RWDD4: variants seen among roughly 807,000 people sequenced by gnomAD.
The protein encoded by RWDD4 is RWD domain-containing protein 4.
Under a neutral mutation model 30.0 loss-of-function variants are expected in RWDD4, and 16 were observed. The ratio of observed to expected loss-of-function variants is 0.53; its 90% confidence interval spans 0.36 to 0.81. RWDD4 has a LOEUF of 0.81. Ranked by LOEUF, RWDD4 falls within the 30% of genes least tolerant of loss-of-function variation. The pLI is 0.00. For missense variants in RWDD4, 170 were observed against 223.9 expected, an observed-to-expected ratio of 0.76 and a Z score of 1.54; for synonymous variants, 45 against 72.1, an observed-to-expected ratio of 0.62 and a Z score of 1.90.
At chr4:183,643,037 T>C (rs567949653) in intron 7 of RWDD4, among the ~76,000 whole-genome samples, 2 of 145,784 alleles carry the variant, frequency 1.4e-5, no homozygotes, top group Non-Finnish European at 3.0e-5. Context: ...CCAGCCTGGG[T>C]GACAGAGCGA....
Position 183,650,996 on chromosome 4 carries a change from G to A in RWDD4, c.351C>T (p.Pro117=). ...NKEQFMENHN[P]INSATSISNI... Reference sequence around the variant, plus strand: ...ATCACATACTCACTGCGGAATTGATGGGATTGTGATTCTCCATGAACTGCT... The same window carrying A: ...ATCACATACTCACTGCGGAATTGATAGGATTGTGATTCTCCATGAACTGCT... The change falls in exon 4 of 8, where the codon CCC becomes CCT. Residue 117 remains proline, a synonymous_variant. Transcript: ENST00000326397. 2 of 1,610,050 alleles carry A rather than the reference G, an allele frequency of 1.2e-6. No individual in the cohort carries two copies. The highest frequency in any genetic ancestry group is 1.7e-6 in the Non-Finnish European group (2 of 1,178,868).
intron 1 of RWDD4, 157 bp from the exon 2 acceptor site, chr4:183,656,118 G>A (rs764456228): frequency 2.9e-5 from 16 of 560,426 alleles, no homozygotes; most frequent in African/African-American, 7.5e-5. Flanking sequence ...AGCAACACAT[G>A]ACAATATTAC....
rs562049819 is a variant in RWDD4, at chr4:183,655,381, A to G, written c.105+500T>C. ...ACTGCAAGCTCTGCCTCCCGGGTTC[A>G]CGCCATTCTCCTGCCTCAGCCTCCC... is the stretch of plus-strand genomic sequence containing the variant. On this transcript the variant is annotated intron_variant, in intron 2 of 7. Coordinates refer to ENST00000326397, the MANE Select transcript of RWDD4 (RefSeq NM_152682.4). 4.3e-3 allele frequency among the ~76,000 whole-genome samples: 658 copies of G among 151,498 alleles called. 8 individuals carry two copies. Among genetic ancestry groups the G allele is most frequent in the African/African-American group, 0.015 (621 of 41,182 alleles).
At position 183,651,252 on chromosome 4, in the gene RWDD4, T is replaced by C. The variant is rs1161437586; in HGVS notation, c.181A>G (p.Ile61Val). 3 of 1,613,138 alleles carry C rather than the reference T, an allele frequency of 1.9e-6. No individual in the cohort carries two copies. Among genetic ancestry groups the C allele is most frequent in the African/African-American group, 1.3e-5 (1 of 74,888 alleles). ...TTAAAAAAAGCGTTCATAGATAGAA[T>C]TGGAGGTGTTTGGGGATATGTTTCT... ...WTETYPQTPPILSMNAFFNNT... is the reference protein window; with the variant it reads ...WTETYPQTPPVLSMNAFFNNT... Residue 61 changes from isoleucine (I) to valine (V), a missense_variant, in exon 3 of 8, where the codon ATT (isoleucine) becomes GTT (valine). Physicochemically the swap from Ile to Val is conservative, Grantham distance 29. Coordinates refer to ENST00000326397, the MANE Select transcript of RWDD4 (RefSeq NM_152682.4).
intron 7 of RWDD4, among the ~76,000 whole-genome samples, chr4:183,643,162 C>G (rs1733897549): frequency 6.9e-6 from 1 of 145,074 alleles, no homozygotes; most frequent in South Asian, 2.1e-4. Context: ...CATGGTGGCT[C>G]ACACCTGTAA....
At chr4:183,657,255 A>AC (rs1321976368) in intron 1 of RWDD4, among the ~76,000 whole-genome samples, 1 of 152,234 alleles carries the variant, frequency 6.6e-6, no homozygotes, top group Non-Finnish European at 1.5e-5. Context: ...AAAAAACAAA[A>AC]AAAAACAAAA....
chr4:183,652,361 C>CTTTT (rs59841926), intron 2 of RWDD4, among the ~76,000 whole-genome samples: 13,185 of 123,016 alleles, frequency 0.11, 966 homozygotes, highest in South Asian at 0.15. Context: ...TCTCCCCTGG[C>CTTTT]TTTTTTTTTT....
At chr4:183,646,006 G>A (rs955266124) in intron 7 of RWDD4, among the ~76,000 whole-genome samples, 1 of 152,026 alleles carries the variant, frequency 6.6e-6, no homozygotes, top group Admixed American at 6.6e-5. Context: ...GGGTTCAAGC[G>A]AATTCTCGTG....
chr4:183,652,808 C>CAAAA (rs1210590907), intron 2 of RWDD4, among the ~76,000 whole-genome samples: 8 of 112,742 alleles, frequency 7.1e-5, no homozygotes, highest in African/African-American at 2.6e-4. Context: ...GACTCCATCT[C>CAAAA]AAAAAAAAAA....
chr4:183,642,512 C>T (rs972723424), intron 7 of RWDD4, among the ~76,000 whole-genome samples: 1 of 152,116 alleles, frequency 6.6e-6, no homozygotes, highest in Non-Finnish European at 1.5e-5. Context: ...TTATCTAGCT[C>T]AGTGGAAGAC....
rs1036997070 is a variant in RWDD4, at chr4:183,649,408, C to T, written c.481+43G>A. 69 of 1,318,576 alleles carry T rather than the reference C, an allele frequency of 5.2e-5. 1 individual carries two copies. The Admixed American group carries it at 1.2e-3, about 23-fold the overall frequency. 81.7% of individuals were successfully genotyped at this position (1,318,576 alleles called of 1,614,324 possible). A position where few individuals can be genotyped will look rare whatever the true frequency, so the allele number is the denominator to read the frequency against. On this transcript the variant is annotated intron_variant, in intron 5 of 7. Coordinates refer to ENST00000326397, the MANE Select transcript of RWDD4 (RefSeq NM_152682.4). ...CAGCCTGGGCAACAAGAGTGAGACT[C>T]TGTCAAAAAAAAGAAAAGAAAAGAA...
chr4:183,651,017 C>A lies in RWDD4; in HGVS notation c.330G>T (p.Gln110His), dbSNP rs974785846. 2.4e-5 allele frequency: 38 copies of A among 1,612,390 alleles called. No homozygotes were observed. The highest frequency in any genetic ancestry group is 2.0e-4 in the Middle Eastern group (1 of 4,972). ...TGATGGGATTGTGATTCTCCATGAA[C>A]TGCTCTTTATTGTCTTTGGCATATT... ...LFEYAKDNKE[Q>H]FMENHNPINS... The change falls in exon 4 of 8, where the codon CAG becomes CAT. Residue 110 changes from glutamine to histidine, a missense_variant. Gln to His is a conservative substitution (Grantham distance 24). Transcript: ENST00000326397.
At chr4:183,656,601 A>G (rs1185925269) in intron 1 of RWDD4, among the ~76,000 whole-genome samples, 1 of 152,236 alleles carries the variant, frequency 6.6e-6, no homozygotes, top group Non-Finnish European at 1.5e-5. Context: ...ATCACCGATG[A>G]ATACCTGAGA....
chr4:183,655,580 A>G (rs370149370), intron 2 of RWDD4, among the ~76,000 whole-genome samples: 86 of 152,282 alleles, frequency 5.6e-4, no homozygotes, highest in East Asian at 2.5e-3. Context: ...CACCGCGCCC[A>G]GCCCTACTGT....
At chr4:183,648,179 G>A (rs1733999408) in intron 5 of RWDD4, among the ~76,000 whole-genome samples, 1 of 138,048 alleles carries the variant, frequency 7.2e-6, no homozygotes, top group Non-Finnish European at 1.5e-5. Flanking sequence ...AGGAGGCGGA[G>A]GTTGCAGTGA....
chr4:183,641,529 G>T, intron 7 of RWDD4, 61 bp from the exon 8 acceptor site: 2 of 1,319,806 alleles, frequency 1.5e-6, no homozygotes, highest in Non-Finnish European at 2.2e-6. Context: ...CTATTTCCAT[G>T]GAGTATCAAA....
chr4:183,643,415 C>CAA lies in RWDD4; in HGVS notation c.535-1949_535-1948dup, dbSNP rs56730708. ...TGAGTGACAGAGCAAGACTCTATCT[C>CAA]AAAAAAAAAAAAAAAAAAAAAAAAA... is the stretch of plus-strand genomic sequence containing the variant. On this transcript the variant is annotated intron_variant, in intron 7 of 7. Coordinates refer to ENST00000326397, the MANE Select transcript of RWDD4 (RefSeq NM_152682.4). Among the ~76,000 whole-genome samples, 71 of 22,664 alleles carry CAA rather than the reference C, an allele frequency of 3.1e-3. 14 individuals are homozygous for CAA. The highest frequency in any genetic ancestry group is 0.042 in the Middle Eastern group (1 of 24). 14.9% of individuals were successfully genotyped at this position (22,664 alleles called of 152,430 possible). A position where few individuals can be genotyped will look rare whatever the true frequency, so the allele number is the denominator to read the frequency against.
chr4:183,656,605 C>T (rs1385028540), intron 1 of RWDD4, among the ~76,000 whole-genome samples: 1 of 152,112 alleles, frequency 6.6e-6, no homozygotes, highest in South Asian at 2.1e-4. Flanking sequence ...CCGATGAATA[C>T]CTGAGAAAAG....
intron 1 of RWDD4, among the ~76,000 whole-genome samples, chr4:183,656,570 A>G (rs1385665717): frequency 6.6e-6 from 1 of 152,218 alleles, no homozygotes; most frequent in Non-Finnish European, 1.5e-5. Flanking sequence ...TGGTATTACA[A>G]CTGAGAAGTT....
Sources: allele counts gnomAD v4.1 joint callset (sites outside exome capture counted in the v4.1 genomes callset), GRCh38; gene constraint gnomAD v4.1.1; transcripts MANE v1.5; gene names NCBI Gene and HGNC (gene_info 2026-07-23, HGNC 2026-07-21).